The following SMAP1 variants were observed in gnomAD, a reference collection of about 807,000 sequenced individuals.
The protein encoded by SMAP1 is small ArfGAP 1.
Under a neutral mutation model 58.5 loss-of-function variants are expected in SMAP1, and 24 were observed. The ratio of observed to expected loss-of-function variants is 0.41; its 90% CI spans 0.30 to 0.58. The LOEUF is 0.58. Ranked by LOEUF, SMAP1 falls within the 20% of genes least tolerant of loss-of-function variation. The probability of loss-of-function intolerance (pLI) is 0.29; values close to 1 mark genes in which losing one functional copy is unlikely to be tolerated. For synonymous variants in SMAP1, 216 were observed against 196.6 expected (o/e 1.10, Z -0.82); for missense variants, 563 against 566.3 (o/e 0.99, Z 0.06).
chr6:70,680,585 T>C (rs1378778904), intron 1 of SMAP1, among the ~76,000 whole-genome samples: 4 of 152,122 alleles, frequency 2.6e-5, no homozygotes, highest in Non-Finnish European at 5.9e-5. Flanking sequence ...AGTGCGTCCG[T>C]ACAGTGGAAT....
intron 2 of SMAP1, among the ~76,000 whole-genome samples, chr6:70,751,184 G>C (rs1290145863): frequency 6.6e-6 from 1 of 152,152 alleles, no homozygotes; most frequent in Non-Finnish European, 1.5e-5. Flanking sequence ...AGGTTGCAGT[G>C]AGCCAAGATT....
chr6:70,741,376 C>T (rs1765808642), intron 2 of SMAP1, among the ~76,000 whole-genome samples: 1 of 152,174 alleles, frequency 6.6e-6, no homozygotes, highest in South Asian at 2.1e-4. Context: ...GAGCCACAGG[C>T]CCCATGCAAG....
intron 4 of SMAP1, among the ~76,000 whole-genome samples, chr6:70,789,848 G>T (rs1352589879): frequency 6.6e-6 from 1 of 151,802 alleles, no homozygotes; most frequent in African/African-American, 2.4e-5. Context: ...GACAGAGTGA[G>T]ACCCTGTCTG....
intron 7 of SMAP1, among the ~76,000 whole-genome samples, chr6:70,844,988 C>T (rs1770934922): frequency 6.6e-6 from 1 of 152,144 alleles, no homozygotes; most frequent in South Asian, 2.1e-4. Flanking sequence ...AATTTCATCA[C>T]TGGTTATGAT....
chr6:70,668,457 G>T (rs1246129057), intron 1 of SMAP1: 4 of 1,396,730 alleles, frequency 2.9e-6, no homozygotes, highest in Admixed American at 5.7e-5. Context: ...GCGAGGCTGG[G>T]AGCGCGGAAC....
chr6:70,769,298 G>A (rs994136253), intron 3 of SMAP1, among the ~76,000 whole-genome samples: 2 of 152,002 alleles, frequency 1.3e-5, no homozygotes, highest in Non-Finnish European at 2.9e-5. Flanking sequence ...TCAATTCCTG[G>A]GTATCCTTGT....
At chr6:70,764,920 G>A (rs959185087) in intron 3 of SMAP1, among the ~76,000 whole-genome samples, 7 of 151,988 alleles carry the variant, frequency 4.6e-5, no homozygotes, top group Non-Finnish European at 8.8e-5. Context: ...CCACCTCAGC[G>A]TCCTGAGTAT....
At position 70,857,078 on chromosome 6, in the gene SMAP1, C is replaced by G. The variant is rs776301142; in HGVS notation, c.961+48C>G. ...TTCAGTGACATTACTAGAAGTACAT[C>G]CTTTGTAATTATATAATAAGATCAA... On this transcript the variant is annotated intron_variant, in intron 9 of 10. Transcript: ENST00000370455. 5 of 1,492,386 alleles carry G rather than the reference C, an allele frequency of 3.4e-6. No homozygotes were observed. In the African/African-American group the frequency reaches 4.2e-5, roughly 12 times the overall value. The allele number at this position is 1,492,386 out of a possible 1,614,324, so 92.4% of individuals were successfully genotyped here. A position where few individuals can be genotyped will look rare whatever the true frequency, so the allele number is the denominator to read the frequency against.
chr6:70,798,935 G>A (rs893015054), intron 6 of SMAP1, among the ~76,000 whole-genome samples, 198 bp downstream of exon 6: 1 of 151,878 alleles, frequency 6.6e-6, no homozygotes, highest in Admixed American at 6.6e-5. Context: ...TATATGTGTG[G>A]GTATAAACCC....
chr6:70,742,603 G>A (rs1232598130), intron 2 of SMAP1, among the ~76,000 whole-genome samples: 2 of 152,148 alleles, frequency 1.3e-5, no homozygotes, highest in South Asian at 2.1e-4. Flanking sequence ...CCTCCAAACT[G>A]TTCCAGCCTC....
At chr6:70,858,501 C>T in intron 10 of SMAP1, 1 of 280,510 alleles carries the variant, frequency 3.6e-6, no homozygotes, top group Non-Finnish European at 6.6e-6. Flanking sequence ...GTAACGTGAA[C>T]ACCACTAATG....
At chr6:70,822,893 G>A (rs1375563020) in intron 6 of SMAP1, among the ~76,000 whole-genome samples, 3 of 151,552 alleles carry the variant, frequency 2.0e-5, no homozygotes, top group African/African-American at 4.9e-5. Context: ...GTATCCTCAA[G>A]CACAGAGATT....
intron 6 of SMAP1, among the ~76,000 whole-genome samples, chr6:70,823,503 A>C (rs1769983587): frequency 6.6e-6 from 1 of 152,120 alleles, no homozygotes; most frequent in African/African-American, 2.4e-5. Context: ...GTTAAAAAGA[A>C]CAGAATGTTC....
At chr6:70,821,276 G>C (rs112838019) in intron 6 of SMAP1, among the ~76,000 whole-genome samples, 4,992 of 152,066 alleles carry the variant, frequency 0.033, 304 homozygotes, top group African/African-American at 0.11. Context: ...ATTCATTTAT[G>C]TCATTGCATT....
chr6:70,698,023 T>C (rs900144177), intron 1 of SMAP1, among the ~76,000 whole-genome samples: 1 of 152,228 alleles, frequency 6.6e-6, no homozygotes, highest in Non-Finnish European at 1.5e-5. Context: ...GATGATTTCT[T>C]ATTGCTCGTT....
At chr6:70,767,208 T>C (rs1464620385) in intron 3 of SMAP1, among the ~76,000 whole-genome samples, 1 of 151,938 alleles carries the variant, frequency 6.6e-6, no homozygotes, top group Non-Finnish European at 1.5e-5. Context: ...TCTTTTGGCT[T>C]AGGATTGACT....
chr6:70,741,080 G>A (rs574357831), intron 2 of SMAP1, among the ~76,000 whole-genome samples: 20 of 152,240 alleles, frequency 1.3e-4, no homozygotes, highest in South Asian at 1.2e-3. Context: ...TGAAATTTGC[G>A]TGGGGACACA....
At chr6:70,809,419 T>G (rs1292053375) in intron 6 of SMAP1, among the ~76,000 whole-genome samples, 1 of 152,228 alleles carries the variant, frequency 6.6e-6, no homozygotes, top group African/African-American at 2.4e-5. Flanking sequence ...AACCTATTAA[T>G]ATAAGCACAA....
chr6:70,821,905 CAT>C (rs1769907242), intron 6 of SMAP1, among the ~76,000 whole-genome samples: 1 of 152,102 alleles, frequency 6.6e-6, no homozygotes, highest in African/African-American at 2.4e-5. Context: ...AAATTGAAAA[CAT>C]TTTTTTCTTC....
Sources: gnomAD v4.1 joint callset for allele counts (sites outside exome capture counted in the v4.1 genomes callset) on GRCh38, gnomAD v4.1.1 for gene constraint, MANE v1.5 for transcripts, NCBI Gene and HGNC (gene_info 2026-07-23, HGNC 2026-07-21) for gene names.